The following PHC3 variants were observed in gnomAD, a reference collection of about 807,000 sequenced individuals.
The protein encoded by PHC3 is polyhomeotic homolog 3, also known as polyhomeotic-like protein 3.
PHC3 carries 13 observed loss-of-function variants against 107.4 expected under a neutral mutation model. The ratio of observed to expected loss-of-function variants is 0.12; its 90% confidence interval spans 0.08 to 0.19. PHC3 has a LOEUF of 0.19. Among genes scored for constraint, PHC3 ranks in the 10% least tolerant of loss-of-function variants. The pLI is 1.00. For missense variants in PHC3, 992 were observed against 1,210.9 expected, an observed-to-expected ratio of 0.82 and a Z score of 2.68; for synonymous variants, 456 against 427.4, an observed-to-expected ratio of 1.07 and a Z score of -0.83.
At chr3:170,153,588 C>G (rs1726375199) in intron 4 of PHC3, among the ~76,000 whole-genome samples, 1 of 151,918 alleles carries the variant, frequency 6.6e-6, no homozygotes, top group South Asian at 2.1e-4. Context: ...ACGGTGAAAC[C>G]CCATCTCTAC....
In PHC3 at chr3:170,119,050, A is replaced by G. The variant is rs547243658; in HGVS notation, c.1943-1574T>C. 2.3e-4 allele frequency among the ~76,000 whole-genome samples: 35 copies of G among 151,500 alleles called. 1 individual carries two copies. The highest frequency in any genetic ancestry group is 5.3e-4 in the African/African-American group (22 of 41,436). ...CTATAAAAAGCTAAAAAAAAAAAAA[A>G]AAAAAGAAAAAGAAAAGAAAAGAAA... On this transcript the variant is annotated intron_variant, in intron 9 of 14. Transcript: ENST00000495893.
At chr3:170,136,029 T>C (rs777444382) in intron 7 of PHC3, among the ~76,000 whole-genome samples, 3 of 152,146 alleles carry the variant, frequency 2.0e-5, no homozygotes, top group Non-Finnish European at 4.4e-5. Context: ...AAGTGACAAA[T>C]TTCTCCCACT....
chr3:170,167,359 G>A (rs546112661), intron 4 of PHC3, among the ~76,000 whole-genome samples: 2 of 152,244 alleles, frequency 1.3e-5, no homozygotes, highest in African/African-American at 4.8e-5. Context: ...GGTTTCATTC[G>A]CATGCCTTGG....
chr3:170,156,785 C>T (rs1438927216), intron 4 of PHC3, among the ~76,000 whole-genome samples: 2 of 150,938 alleles, frequency 1.3e-5, no homozygotes, highest in Non-Finnish European at 2.9e-5. Context: ...TTAATAGTAA[C>T]GGGGTTTCAC....
intron 8 of PHC3, chr3:170,126,069 T>C (rs927349815): frequency 3.3e-6 from 2 of 611,762 alleles, no homozygotes; most frequent in African/African-American, 4.0e-5. Context: ...TATCCAAATG[T>C]CAACAAAAAA....
Position 170,164,215 on chromosome 3 carries a change from A to T in PHC3, c.414+7158T>A, listed in dbSNP as rs904423102. ...TATCTCCTAACAAAAACAAACAAAC[A>T]AACAAAAAAATACAGGAGAGCTTTA... is the stretch of plus-strand genomic sequence containing the variant. On this transcript the variant is annotated intron_variant, in intron 4 of 14. Transcript: ENST00000495893. Among the ~76,000 whole-genome samples the T allele has an allele frequency of 5.3e-5, 8 of 152,280 alleles. 1 individual carries two copies.
intron 4 of PHC3, among the ~76,000 whole-genome samples, chr3:170,152,161 TTTTTGTTTTG>T (rs758555637): frequency 6.6e-5 from 10 of 151,672 alleles, no homozygotes; most frequent in South Asian, 4.2e-4. Flanking sequence ...ATTTTGTTTG[TTTTTGTTTTG>T]TTTTGTTTTG....
At chr3:170,177,031 A>T (rs1730590168) in intron 2 of PHC3, 1 of 329,138 alleles carries the variant, frequency 3.0e-6, no homozygotes, top group Non-Finnish European at 6.2e-6. Context: ...CATAAATGTT[A>T]ACTAAGTAAA....
chr3:170,155,178 G>C (rs544091723), intron 4 of PHC3, among the ~76,000 whole-genome samples: 1 of 152,266 alleles, frequency 6.6e-6, no homozygotes, highest in South Asian at 2.1e-4. Context: ...GTTTCCAACC[G>C]ATTACTACCC....
intron 8 of PHC3, among the ~76,000 whole-genome samples, chr3:170,123,950 G>A (rs976542923): frequency 7.3e-5 from 11 of 151,630 alleles, no homozygotes; most frequent in Admixed American, 3.3e-4. Flanking sequence ...GGGTTCAAGC[G>A]ATTCTCCTGG....
chr3:170,176,474 G>A (rs1730502301), intron 2 of PHC3, among the ~76,000 whole-genome samples: 2 of 152,104 alleles, frequency 1.3e-5, no homozygotes, highest in Non-Finnish European at 2.9e-5. Context: ...TTGTTTTCAG[G>A]GTGGATGCAA....
rs140119420 is a variant in PHC3, at chr3:170,121,044, G to C, written c.1942+1547C>G. On this transcript the variant is annotated intron_variant, in intron 9 of 14. Coordinates refer to ENST00000495893, the MANE Select transcript of PHC3 (RefSeq NM_024947.4). The stretch of plus-strand genomic sequence containing the variant: ...CCACAATATCTGAACAAATGAGTGT[G>C]TGGCTATGTTTCACAGAACTTTATT... Among the ~76,000 whole-genome samples the C allele has an allele frequency of 2.3e-3, 350 of 152,306 alleles. 3 individuals are homozygous for C. The highest frequency in any genetic ancestry group is 8.2e-3 in the African/African-American group (340 of 41,564).
chr3:170,178,635 T>G, intron 2 of PHC3, 138 bp downstream of exon 2: 1 of 946,132 alleles, frequency 1.1e-6, no homozygotes. Context: ...CCACACAAAA[T>G]GGATTGAGAC....
rs1358726622 is a variant in PHC3, at chr3:170,088,591, T to A, written c.*8639A>T. 2.0e-5 allele frequency: 3 copies of A among 152,206 alleles called. No individual in the cohort carries two copies. The highest frequency in any genetic ancestry group is 1.3e-4 in the Admixed American group (2 of 15,286). The allele number at this position is 152,206 out of a possible 1,614,324, so 9.4% of individuals were successfully genotyped here. ...TTAAATGTCTACATCCAAAATTATATCATCTTTGCGCATTCAGTTGACTTT... is the reference window on the plus strand; with the variant it reads ...TTAAATGTCTACATCCAAAATTATAACATCTTTGCGCATTCAGTTGACTTT... On this transcript the variant is annotated 3_prime_UTR_variant, in exon 15 of 15. Coordinates refer to ENST00000495893, the MANE Select transcript of PHC3 (RefSeq NM_024947.4).
rs1176153826 is a variant in PHC3 at position 170,174,404 on chromosome 3, CATAA to C, written c.181-1696_181-1693del. ...AATGTAAAATCTGAGCCTGAAACTT[CATAA>C]ATAAATATAGAAAAGTCAAGTACTC... On this transcript the variant is annotated intron_variant, in intron 2 of 14. Coordinates refer to ENST00000495893, the MANE Select transcript of PHC3 (RefSeq NM_024947.4). Among the ~76,000 whole-genome samples, 18 of 152,160 alleles carry C rather than the reference CATAA, an allele frequency of 1.2e-4. No individual in the cohort carries two copies. The East Asian group carries it at 2.9e-3, about 24-fold the overall frequency.
chr3:170,095,722 C>CTCAAA lies in PHC3; in HGVS notation c.*1503_*1507dup, dbSNP rs1268812488. On this transcript the variant is annotated 3_prime_UTR_variant, in exon 15 of 15. Transcript: ENST00000495893. ...AAGATGAAAACAAAACATTCATCAT[C>CTCAAA]TCAAATAAAATTTTTGATGTCCAGG... The CTCAAA allele has an allele frequency of 1.3e-5, 2 of 152,124 alleles. No individual in the cohort carries two copies. The highest frequency in any genetic ancestry group is 2.4e-5 in the African/African-American group (1 of 41,440). The allele number at this position is 152,124 out of a possible 1,614,324, so 9.4% of individuals were successfully genotyped here. A position where few individuals can be genotyped will look rare whatever the true frequency, so the allele number is the denominator to read the frequency against.
intron 11 of PHC3, 135 bp downstream of exon 11, chr3:170,113,225 T>C: frequency 1.3e-6 from 1 of 754,998 alleles, no homozygotes; most frequent in Non-Finnish European, 1.9e-6. Context: ...ATTATTTTAG[T>C]CAAATGGTGC....
chr3:170,154,414 T>C (rs1726549600), intron 4 of PHC3, among the ~76,000 whole-genome samples: 2 of 152,208 alleles, frequency 1.3e-5, no homozygotes, highest in Admixed American at 1.3e-4. Flanking sequence ...TCTGCAGTAA[T>C]AATGCCTTAG....
intron 9 of PHC3, among the ~76,000 whole-genome samples, 198 bp from the exon 10 acceptor site, chr3:170,117,674 G>A (rs1294519417): frequency 6.6e-6 from 1 of 152,078 alleles, no homozygotes; most frequent in Non-Finnish European, 1.5e-5. Context: ...CTTTATAGAG[G>A]AGGGTAGCTT....
Sources: gnomAD v4.1 joint callset for allele counts (sites outside exome capture counted in the v4.1 genomes callset) on GRCh38, gnomAD v4.1.1 for gene constraint, MANE v1.5 for transcripts, NCBI Gene and HGNC (gene_info 2026-07-23, HGNC 2026-07-21) for gene names.